CEP112: variants seen among roughly 807,000 people sequenced by gnomAD.
The protein encoded by CEP112 is centrosomal protein 112, also known as centrosomal protein of 112 kDa.
In CEP112, 127 loss-of-function variants were observed where a neutral mutation model predicts 153.0. The ratio of observed to expected loss-of-function variants is 0.83; its 90% CI spans 0.72 to 0.96. The LOEUF is 0.96. CEP112 is among the 40% of genes least tolerant of loss of function. The probability of loss-of-function intolerance (pLI) is 0.00; values close to 1 mark genes in which losing one functional copy is unlikely to be tolerated. For synonymous variants in CEP112, 358 were observed against 374.4 expected (o/e 0.96, Z 0.51); for missense variants, 1,089 against 1,101.2 (o/e 0.99, Z 0.16).
intron 21 of CEP112, among the ~76,000 whole-genome samples, chr17:65,808,764 A>G (rs1479931532): frequency 6.6e-6 from 1 of 152,126 alleles, no homozygotes; most frequent in East Asian, 1.9e-4. Flanking sequence ...TTAAGCCTGC[A>G]GAACTGTGGC....
chr17:65,860,354 T>G (rs184407041), intron 20 of CEP112, among the ~76,000 whole-genome samples: 1 of 151,952 alleles, frequency 6.6e-6, no homozygotes, highest in East Asian at 1.9e-4. Context: ...ATCAGTTCTC[T>G]GCAGATTAAT....
At chr17:65,639,855 G>A (rs973455480) in intron 25 of CEP112, among the ~76,000 whole-genome samples, 3 of 16,424 alleles carry the variant, frequency 1.8e-4, no homozygotes, top group Admixed American at 6.3e-4. Context: ...TTTTTTTTTT[G>A]AGACGGAGTC....
intron 18 of CEP112, among the ~76,000 whole-genome samples, chr17:65,953,596 T>C (rs1382518858): frequency 6.6e-6 from 1 of 152,122 alleles, no homozygotes; most frequent in Non-Finnish European, 1.5e-5. Context: ...GGAAATAGAC[T>C]CGGTGCTGTT....
At position 66,001,406 on chromosome 17, in the gene CEP112, T is replaced by G. The variant is rs530643044; in HGVS notation, c.1736+4284A>C. ...TCCCATTCTGTAGGTTGTGTTTCTT[T>G]TCATATTCTAGTGAACTACTACTGT... On this transcript the variant is annotated intron_variant, in intron 17 of 26. Coordinates refer to ENST00000535342, the MANE Select transcript of CEP112 (RefSeq NM_001199165.4). Among the ~76,000 whole-genome samples the G allele has an allele frequency of 5.9e-5, 9 of 152,342 alleles. No homozygotes were observed. The East Asian group carries it at 1.7e-3, about 29-fold the overall frequency.
chr17:66,096,723 G>A, intron 6 of CEP112, 91 bp from the exon 7 acceptor site: 1 of 805,818 alleles, frequency 1.2e-6, no homozygotes, highest in South Asian at 1.7e-5. Context: ...GCTGCCATAT[G>A]AAACATTTTC....
At chr17:65,707,468 T>C (rs1483173820) in intron 23 of CEP112, among the ~76,000 whole-genome samples, 2 of 152,056 alleles carry the variant, frequency 1.3e-5, no homozygotes, top group Non-Finnish European at 2.9e-5. Context: ...TGCTCAAAGT[T>C]CTCCAATGAC....
At chr17:66,108,271 A>G (rs1481533290) in intron 6 of CEP112, among the ~76,000 whole-genome samples, 1 of 152,178 alleles carries the variant, frequency 6.6e-6, no homozygotes, top group African/African-American at 2.4e-5. Context: ...CCCCACAAGC[A>G]CAGGCAACCA....
chr17:65,841,968 C>T (rs2057537615), intron 21 of CEP112, among the ~76,000 whole-genome samples: 1 of 151,856 alleles, frequency 6.6e-6, no homozygotes, highest in African/African-American at 2.4e-5. Context: ...CTCACTTCCA[C>T]TTCTCTCCAT....
At position 65,925,696 on chromosome 17, in the gene CEP112, G is replaced by A. The variant is rs573202639; in HGVS notation, c.1980+1886C>T. 3.3e-5 allele frequency among the ~76,000 whole-genome samples: 5 copies of A among 152,268 alleles called. No individual in the cohort carries two copies. The East Asian group carries it at 5.8e-4, about 18-fold the overall frequency. ...CTTCTCTGTGATACTCCTTCCAGGCGGAGGATTACACCAGGGAGGCCATGT... is the reference window on the plus strand; with the variant it reads ...CTTCTCTGTGATACTCCTTCCAGGCAGAGGATTACACCAGGGAGGCCATGT... On this transcript the variant is annotated intron_variant, in intron 19 of 26. Transcript: ENST00000535342.
intron 24 of CEP112, among the ~76,000 whole-genome samples, chr17:65,676,771 T>A (rs1299921635): frequency 6.6e-6 from 1 of 152,238 alleles, no homozygotes; most frequent in African/African-American, 2.4e-5. Flanking sequence ...TTCCTGTTTA[T>A]GAAATCACAC....
intron 22 of CEP112, among the ~76,000 whole-genome samples, chr17:65,747,665 A>G (rs2051557386): frequency 6.6e-6 from 1 of 152,182 alleles, no homozygotes; most frequent in Admixed American, 6.5e-5. Context: ...ATAAAAAAAA[A>G]TGTGATTCTG....
chr17:66,130,636 C>T (rs1190562073), intron 5 of CEP112, among the ~76,000 whole-genome samples: 1 of 151,830 alleles, frequency 6.6e-6, no homozygotes, highest in African/African-American at 2.4e-5. Flanking sequence ...ATTAGCCGGG[C>T]GTGGTGGTGG....
At chr17:66,103,555 G>A (rs550449670) in intron 6 of CEP112, among the ~76,000 whole-genome samples, 2 of 152,270 alleles carry the variant, frequency 1.3e-5, no homozygotes, top group East Asian at 1.9e-4. Context: ...AGTCAACTGC[G>A]ATCAAAGAGG....
Position 66,129,842 on chromosome 17 carries a change from A to T in CEP112, c.565-19T>A. 6.6e-7 allele frequency: 1 copy of T among 1,514,392 alleles called. No homozygotes were observed. Among genetic ancestry groups the T allele is most frequent in the Non-Finnish European group, 9.2e-7 (1 of 1,091,206 alleles). 93.8% of individuals were successfully genotyped at this position (1,514,392 alleles called of 1,614,324 possible). A position where few individuals can be genotyped will look rare whatever the true frequency, so the allele number is the denominator to read the frequency against. On this transcript the variant is annotated intron_variant, in intron 5 of 26. Transcript: ENST00000535342. ...AAACTTCCTGAAATACAAAAGGGAA[A>T]AAGGAAGAGGAGAGGAAGGAAAGAT...
intron 21 of CEP112, among the ~76,000 whole-genome samples, chr17:65,762,202 A>C (rs150365968): frequency 6.6e-6 from 1 of 152,052 alleles, no homozygotes; most frequent in Non-Finnish European, 1.5e-5. Context: ...ATCCCTGATA[A>C]TTTTTTGTCC....
At chr17:65,911,529 T>G (rs2060283524) in intron 19 of CEP112, among the ~76,000 whole-genome samples, 1 of 152,188 alleles carries the variant, frequency 6.6e-6, no homozygotes, top group Non-Finnish European at 1.5e-5. Flanking sequence ...TTCTAAATTT[T>G]AGAAATCTTT....
intron 19 of CEP112, among the ~76,000 whole-genome samples, chr17:65,912,679 A>G (rs574810450): frequency 2.5e-4 from 38 of 152,334 alleles, no homozygotes; most frequent in African/African-American, 7.9e-4. Context: ...AATTATCAAC[A>G]TGCCACATTT....
intron 17 of CEP112, among the ~76,000 whole-genome samples, chr17:65,969,813 C>A (rs1389621430): frequency 6.8e-6 from 1 of 146,200 alleles, no homozygotes; most frequent in Non-Finnish European, 1.5e-5. Flanking sequence ...ATGTATATTA[C>A]CTGCATACAT....
intron 17 of CEP112, among the ~76,000 whole-genome samples, chr17:65,972,591 G>A (rs1450896524): frequency 1.3e-5 from 2 of 152,128 alleles, no homozygotes; most frequent in Non-Finnish European, 2.9e-5. Flanking sequence ...GAATCCCAAA[G>A]CTGGTTCTTT....
Sources: gnomAD v4.1 joint callset for allele counts (sites outside exome capture counted in the v4.1 genomes callset) on GRCh38, gnomAD v4.1.1 for gene constraint, MANE v1.5 for transcripts, NCBI Gene and HGNC (gene_info 2026-07-23, HGNC 2026-07-21) for gene names.